The following CNOT4 variants were observed in gnomAD, a reference collection of about 807,000 sequenced individuals.
CNOT4 encodes the protein CCR4-NOT transcription complex subunit 4.
In CNOT4, 8 loss-of-function variants were observed where a neutral mutation model predicts 73.8. The ratio of observed to expected loss-of-function variants is 0.11; its 90% CI spans 0.06 to 0.20. The LOEUF (loss-of-function observed/expected upper bound fraction) is 0.20. Ranked by LOEUF, CNOT4 falls within the 10% of genes least tolerant of loss-of-function variation. CNOT4 has a pLI of 1.00. For missense variants in CNOT4, 564 were observed against 883.4 expected (o/e 0.64, Z 4.58); for synonymous variants, 293 against 321.1 (o/e 0.91, Z 0.94).
At chr7:135,417,483 G>T (rs1797934361) in intron 3 of CNOT4, among the ~76,000 whole-genome samples, 1 of 152,084 alleles carries the variant, frequency 6.6e-6, no homozygotes, top group Admixed American at 6.6e-5. Context: ...TGTTACATTC[G>T]TTTTTAAAAA....
At chr7:135,477,098 T>C (rs1802040679) in intron 1 of CNOT4, among the ~76,000 whole-genome samples, 2 of 152,204 alleles carry the variant, frequency 1.3e-5, no homozygotes, top group African/African-American at 4.8e-5. Context: ...TCCTGGCACT[T>C]TGGGACGCTG....
In CNOT4 at chr7:135,364,469, T is replaced by C. The variant is rs1017337048; in HGVS notation, c.1628-403A>G. Among the ~76,000 whole-genome samples the C allele has an allele frequency of 2.6e-5, 4 of 152,212 alleles. No homozygotes were observed. Among genetic ancestry groups the C allele is most frequent in the African/African-American group, 9.6e-5 (4 of 41,454 alleles). On this transcript the variant is annotated intron_variant, in intron 10 of 11. Coordinates refer to ENST00000541284, the MANE Select transcript of CNOT4 (RefSeq NM_001190850.2). This position sits in a 1 kb window ranked among gnomAD's most constrained non-coding sequence, Gnocchi z 4.3. ...AAAGCCAAGTCTGCAAAGTCCAATATAGGAGCTTATTTCTCAGCCCACAAA... is the reference window on the plus strand; with the variant it reads ...AAAGCCAAGTCTGCAAAGTCCAATACAGGAGCTTATTTCTCAGCCCACAAA...
chr7:135,424,511 G>A (rs376327689), intron 2 of CNOT4, among the ~76,000 whole-genome samples: 26 of 152,092 alleles, frequency 1.7e-4, no homozygotes, highest in African/African-American at 2.9e-4. Flanking sequence ...GAGGCCAGGC[G>A]CGGTGGCTCA....
At chr7:135,367,058 G>A (rs191606583) in intron 10 of CNOT4, among the ~76,000 whole-genome samples, 1 of 152,268 alleles carries the variant, frequency 6.6e-6, no homozygotes, top group East Asian at 1.9e-4. Flanking sequence ...CCTAAGCACT[G>A]TGGGAGGTTT....
At chr7:135,380,117 G>A (rs1173602784) in intron 10 of CNOT4, among the ~76,000 whole-genome samples, 1 of 150,692 alleles carries the variant, frequency 6.6e-6, no homozygotes, top group African/African-American at 2.4e-5. Flanking sequence ...CAACTTCCTT[G>A]ATTGGGGAAA....
intron 3 of CNOT4, among the ~76,000 whole-genome samples, chr7:135,415,660 T>C (rs1797831947): frequency 6.6e-6 from 1 of 152,068 alleles, no homozygotes. Context: ...ACCAAAATTA[T>C]GTATTAAAGG....
intron 1 of CNOT4, among the ~76,000 whole-genome samples, chr7:135,447,457 C>T (rs1380753165): frequency 1.3e-5 from 2 of 152,058 alleles, no homozygotes; most frequent in East Asian, 3.8e-4. Flanking sequence ...CTTCTAAAAG[C>T]CTCTCTCATT....
At chr7:135,495,322 T>C (rs569280065) in intron 1 of CNOT4, among the ~76,000 whole-genome samples, 1 of 152,004 alleles carries the variant, frequency 6.6e-6, no homozygotes, top group East Asian at 2.0e-4. Flanking sequence ...CTAGCCAACA[T>C]GGTGAAACCC....
At chr7:135,429,016 T>C (rs1053645124) in intron 2 of CNOT4, among the ~76,000 whole-genome samples, 1 of 152,090 alleles carries the variant, frequency 6.6e-6, no homozygotes, top group Non-Finnish European at 1.5e-5. Context: ...TCTTGCTAAT[T>C]CTGTTATTCA....
intron 1 of CNOT4, among the ~76,000 whole-genome samples, chr7:135,465,846 G>A (rs1463429181): frequency 2.6e-5 from 4 of 151,966 alleles, no homozygotes; most frequent in Non-Finnish European, 4.4e-5. Context: ...TCAGGAGTTC[G>A]AGACCAGCCT....
chr7:135,458,027 CAA>C (rs1800654024), intron 1 of CNOT4, among the ~76,000 whole-genome samples: 1 of 152,008 alleles, frequency 6.6e-6, no homozygotes, highest in Non-Finnish European at 1.5e-5. Context: ...ACATTTGTTT[CAA>C]AGTTTTTGCT....
chr7:135,444,552 T>A, intron 1 of CNOT4: 4 of 1,334,934 alleles, frequency 3.0e-6, no homozygotes, highest in Non-Finnish European at 4.3e-6. Context: ...TATCTCAGCA[T>A]TTCTTCAGGA....
At position 135,395,795 on chromosome 7, in the gene CNOT4, C is replaced by A. The variant is rs564908475; in HGVS notation, c.968G>T (p.Arg323Leu). The A allele has an allele frequency of 6.2e-7, 1 of 1,613,616 alleles. No individual in the cohort carries two copies. The highest frequency in any genetic ancestry group is 1.3e-5 in the African/African-American group (1 of 74,958). Residue 323 changes from arginine to leucine, a missense_variant, in exon 9 of 12, where the codon CGG becomes CTG. By Grantham distance (102) the Arg-to-Leu change is moderately radical. This residue lies in a region of CNOT4 where 135 missense variants were observed against 154.0 expected (regional missense o/e 0.88). Transcript: ENST00000541284. Reference protein sequence around the residue: ...IPISSSNHSARSPFEGAVTES... With the variant: ...IPISSSNHSALSPFEGAVTES... ...TGTTACTGCCCCTTCAAAAGGGGACCGTGCACTGTGATTGGATGAACTGAT... is the reference window on the plus strand; with the variant it reads ...TGTTACTGCCCCTTCAAAAGGGGACAGTGCACTGTGATTGGATGAACTGAT...
intron 2 of CNOT4, among the ~76,000 whole-genome samples, chr7:135,437,204 T>TTTTC (rs1377011673): frequency 6.6e-6 from 1 of 151,022 alleles, no homozygotes; most frequent in East Asian, 2.0e-4. Context: ...CTTTTCTTTT[T>TTTTC]TTTGAGACGG....
Position 135,402,630 on chromosome 7 carries a change from G to C in CNOT4, c.822-4404C>G, listed in dbSNP as rs116345674. On this transcript the variant is annotated intron_variant, in intron 7 of 11. Coordinates refer to ENST00000541284, the MANE Select transcript of CNOT4 (RefSeq NM_001190850.2). ...AAAGAGAAGAGGAACACAATGAAAAGGCATCAAGACTCCTCAAAGTCTCTC... is the reference window on the plus strand; with the variant it reads ...AAAGAGAAGAGGAACACAATGAAAACGCATCAAGACTCCTCAAAGTCTCTC... Among the ~76,000 whole-genome samples, 148 of 152,198 alleles carry C rather than the reference G, an allele frequency of 9.7e-4. 1 individual carries two copies. The highest frequency in any genetic ancestry group is 3.4e-3 in the African/African-American group (141 of 41,520).
At chr7:135,464,016 T>G (rs1453574604) in intron 1 of CNOT4, among the ~76,000 whole-genome samples, 1 of 31,990 alleles carries the variant, frequency 3.1e-5, no homozygotes, top group Non-Finnish European at 6.5e-5. Flanking sequence ...TGGCTATTAT[T>G]AAAAAGTCAA....
chr7:135,473,001 A>G (rs930616865), intron 1 of CNOT4, among the ~76,000 whole-genome samples: 1 of 152,180 alleles, frequency 6.6e-6, no homozygotes, highest in South Asian at 2.1e-4. Flanking sequence ...TGATCATGCC[A>G]CTACACTCCA....
intron 7 of CNOT4, among the ~76,000 whole-genome samples, chr7:135,401,372 T>C (rs1214533927): frequency 6.6e-6 from 1 of 152,202 alleles, no homozygotes; most frequent in African/African-American, 2.4e-5. Context: ...CATGGACTAT[T>C]CCCTGGTCAA....
At chr7:135,504,007 A>G (rs1207974222) in intron 1 of CNOT4, among the ~76,000 whole-genome samples, 3 of 152,198 alleles carry the variant, frequency 2.0e-5, no homozygotes, top group African/African-American at 7.2e-5. Flanking sequence ...AAATCAGCCA[A>G]TGTTATTTTA....
Sources: gnomAD v4.1 joint callset for allele counts (sites outside exome capture counted in the v4.1 genomes callset) on GRCh38, gnomAD v4.1.1 for gene constraint, gnomAD v4.1.1 regional missense constraint, Gnocchi (gnomAD v3.1) non-coding constraint, MANE v1.5 for transcripts, NCBI Gene and HGNC (gene_info 2026-07-23, HGNC 2026-07-21) for gene names.